SDC3: variants seen among roughly 807,000 people sequenced by gnomAD.
SDC3 encodes the protein syndecan-3.
In SDC3, 13 loss-of-function variants were observed where a neutral mutation model predicts 24.4. The observed-to-expected ratio is 0.53, with a 90% CI of 0.35 to 0.85. SDC3 has a LOEUF of 0.85. Among genes scored for constraint, SDC3 ranks in the 40% least tolerant of loss-of-function variants. The pLI, the probability that SDC3 is intolerant of heterozygous loss-of-function variation, is 0.01. For synonymous variants in SDC3, 295 were observed against 260.9 expected, an observed-to-expected ratio of 1.13 and a Z score of -1.26; for missense variants, 571 against 584.5, an observed-to-expected ratio of 0.98 and a Z score of 0.24.
chr1:30,889,690 T>C lies in SDC3; in HGVS notation c.139-10950A>G, dbSNP rs949606040. On this transcript the variant is annotated intron_variant, in intron 1 of 4. Transcript: ENST00000339394. ...TGCAAGAATGAATGTGATCAAAAAG[T>C]CAGATAATCACAAGCGTTGGCGAGG... is the stretch of plus-strand genomic sequence containing the variant. 7.2e-5 allele frequency among the ~76,000 whole-genome samples: 11 copies of C among 152,158 alleles called. No individual in the cohort carries two copies. The East Asian group carries it at 1.9e-3, about 27-fold the overall frequency.
At chr1:30,898,149 C>G (rs1570025448) in intron 1 of SDC3, among the ~76,000 whole-genome samples, 2 of 152,268 alleles carry the variant, frequency 1.3e-5, no homozygotes, top group South Asian at 2.1e-4. Context: ...GAAACACACT[C>G]TCATCAGAAA....
At chr1:30,892,225 T>C (rs973854428) in intron 1 of SDC3, among the ~76,000 whole-genome samples, 1 of 152,048 alleles carries the variant, frequency 6.6e-6, no homozygotes, top group Non-Finnish European at 1.5e-5. Flanking sequence ...TCCTCATGTG[T>C]CACCTGAACG....
intron 1 of SDC3, among the ~76,000 whole-genome samples, chr1:30,906,755 G>A (rs1419281804): frequency 3.9e-5 from 6 of 152,188 alleles, no homozygotes; most frequent in African/African-American, 9.6e-5. Flanking sequence ...ACGAATCGGC[G>A]GGGGTAGCAG....
intron 1 of SDC3, among the ~76,000 whole-genome samples, chr1:30,893,303 G>GCCCCCCC (rs59392837): frequency 2.2e-4 from 3 of 13,540 alleles, no homozygotes; most frequent in Non-Finnish European, 4.3e-4. Context: ...CCCACCAGGA[G>GCCCCCCC]CCCCCCCCCC....
chr1:30,877,396 T>C (rs1639664271), intron 2 of SDC3: 2 of 626,810 alleles, frequency 3.2e-6, no homozygotes, highest in East Asian at 2.7e-5. Context: ...GGGCCGCCTC[T>C]CCCGGGAAGC....
intron 1 of SDC3, among the ~76,000 whole-genome samples, chr1:30,885,366 G>T (rs1422310922): frequency 6.6e-6 from 1 of 152,122 alleles, no homozygotes; most frequent in Non-Finnish European, 1.5e-5. Flanking sequence ...ATAACTAAAG[G>T]TTCCCAGAGG....
chr1:30,903,414 CAT>C (rs563346608), intron 1 of SDC3, among the ~76,000 whole-genome samples: 2,255 of 152,312 alleles, frequency 0.015, 32 homozygotes, highest in Non-Finnish European at 0.024. Flanking sequence ...TCCGCATACA[CAT>C]GTGTGGGCAC....
intron 1 of SDC3, among the ~76,000 whole-genome samples, chr1:30,886,541 G>A (rs1639831887): frequency 6.6e-6 from 1 of 152,170 alleles, no homozygotes; most frequent in Non-Finnish European, 1.5e-5. Context: ...GCCCTGGGAA[G>A]CAGATAATAT....
Position 30,869,556 on chromosome 1 carries a change from A to AAAAAAAAC in SDC3, c.*3654_*3655insGTTTTTTT, listed in dbSNP as rs1639495693. On this transcript the variant is annotated 3_prime_UTR_variant, in exon 5 of 5. Transcript: ENST00000339394. ...ACAAACAAAAAAAAAAAAAAAAAAAAAAAAACAAAAACAAAACCAGTTCCT... is the reference window on the plus strand; with the variant it reads ...ACAAACAAAAAAAAAAAAAAAAAAAAAAAAAAACAAAAACAAAAACAAAACCAGTTCCT... The AAAAAAAAC allele has an allele frequency of 2.9e-6, 1 of 346,446 alleles. No individual in the cohort carries two copies. Among genetic ancestry groups the AAAAAAAAC allele is most frequent in the Non-Finnish European group, 5.0e-6 (1 of 199,634 alleles). The allele number at this position is 346,446 out of a possible 1,614,324, so 21.5% of individuals were successfully genotyped here.
chr1:30,905,538 G>C lies in SDC3; in HGVS notation c.138+2911C>G, dbSNP rs189335511. Reference sequence around the variant, plus strand: ...TTCCAAATTAAGCCCTTCCATTCTCGCATTGTCTCCATTTTAAAGAGGTGG... The same window carrying C: ...TTCCAAATTAAGCCCTTCCATTCTCCCATTGTCTCCATTTTAAAGAGGTGG... On this transcript the variant is annotated intron_variant, in intron 1 of 4. Coordinates refer to ENST00000339394, the MANE Select transcript of SDC3 (RefSeq NM_014654.4). Among the ~76,000 whole-genome samples the C allele has an allele frequency of 2.0e-5, 3 of 151,600 alleles. No homozygotes were observed. In the South Asian group the frequency reaches 6.3e-4, roughly 32 times the overall value.
At chr1:30,892,307 A>C (rs1639917842) in intron 1 of SDC3, among the ~76,000 whole-genome samples, 1 of 152,088 alleles carries the variant, frequency 6.6e-6, no homozygotes, top group Admixed American at 6.5e-5. Flanking sequence ...CTCCCTGAGC[A>C]TCCCCAGGCA....
At chr1:30,905,777 C>T (rs907891498) in intron 1 of SDC3, among the ~76,000 whole-genome samples, 1 of 152,104 alleles carries the variant, frequency 6.6e-6, no homozygotes, top group Non-Finnish European at 1.5e-5. Context: ...CTGAGGTGGC[C>T]TTAAAGGCAG....
chr1:30,890,009 G>GA (rs1163812536), intron 1 of SDC3, among the ~76,000 whole-genome samples: 4 of 151,282 alleles, frequency 2.6e-5, no homozygotes, highest in East Asian at 1.9e-4. Flanking sequence ...TTTGGCAAAA[G>GA]AAAAAAAAAC....
intron 1 of SDC3, among the ~76,000 whole-genome samples, chr1:30,893,723 G>A (rs1384654425): frequency 6.6e-6 from 1 of 151,936 alleles, no homozygotes; most frequent in African/African-American, 2.4e-5. Context: ...CTCTGATCAG[G>A]GTTTCCCCAG....
intron 1 of SDC3, among the ~76,000 whole-genome samples, chr1:30,899,723 G>A (rs1284483013): frequency 6.6e-6 from 1 of 152,172 alleles, no homozygotes; most frequent in Non-Finnish European, 1.5e-5. Flanking sequence ...CAGGGAGGAG[G>A]GGTAGGGCTT....
chr1:30,895,703 C>CA (rs1639989470), intron 1 of SDC3, among the ~76,000 whole-genome samples: 1 of 152,184 alleles, frequency 6.6e-6, no homozygotes, highest in African/African-American at 2.4e-5. Context: ...TAACTACCCC[C>CA]TCAGCCCTCA....
chr1:30,886,642 C>CTGTG (rs909373220), intron 1 of SDC3, among the ~76,000 whole-genome samples: 1 of 152,152 alleles, frequency 6.6e-6, no homozygotes, highest in Admixed American at 6.5e-5. Context: ...AGTCTAAATC[C>CTGTG]TGTGTTCAGT....
intron 1 of SDC3, among the ~76,000 whole-genome samples, chr1:30,890,711 A>C (rs932720139): frequency 3.3e-5 from 5 of 152,208 alleles, no homozygotes; most frequent in African/African-American, 1.2e-4. Context: ...AGAGGACAAG[A>C]AACTTGCCCA....
chr1:30,899,954 C>T (rs1313378686), intron 1 of SDC3, among the ~76,000 whole-genome samples: 2 of 152,246 alleles, frequency 1.3e-5, no homozygotes, highest in South Asian at 4.1e-4. Context: ...GGCGCCCATG[C>T]AGGAGCCCAC....
Sources: gnomAD v4.1 joint callset for allele counts (sites outside exome capture counted in the v4.1 genomes callset) on GRCh38, gnomAD v4.1.1 for gene constraint, MANE v1.5 for transcripts, NCBI Gene and HGNC (gene_info 2026-07-23, HGNC 2026-07-21) for gene names.